Variants in NRG3 observed in about 807,000 individuals in gnomAD.
NRG3 encodes neuregulin 3.
NRG3 carries 31 observed loss-of-function variants against 66.9 expected under a neutral mutation model. The ratio of observed to expected loss-of-function variants is 0.46; its 90% confidence interval spans 0.35 to 0.63. The LOEUF (loss-of-function observed/expected upper bound fraction) is 0.63. Among genes scored for constraint, NRG3 ranks in the 20% least tolerant of loss-of-function variants. The pLI, the probability that NRG3 is intolerant of heterozygous loss-of-function variation, is 0.00. For missense variants in NRG3, 910 were observed against 878.9 expected, an observed-to-expected ratio of 1.04 and a Z score of -0.45; for synonymous variants, 393 against 359.4, an observed-to-expected ratio of 1.09 and a Z score of -1.06.
chr10:82,187,555 A>G (rs1417800374), intron 1 of NRG3, among the ~76,000 whole-genome samples: 2 of 152,154 alleles, frequency 1.3e-5, no homozygotes, highest in African/African-American at 4.8e-5. Flanking sequence ...AGTGAGAAGG[A>G]TAAAACCCAG....
chr10:82,754,976 T>C (rs1591419574), intron 3 of NRG3, among the ~76,000 whole-genome samples: 1 of 152,224 alleles, frequency 6.6e-6, no homozygotes, highest in South Asian at 2.1e-4. Context: ...ATCAGCAAGA[T>C]GAAAGATGCT....
intron 1 of NRG3, among the ~76,000 whole-genome samples, chr10:81,924,495 A>G (rs1846579649): frequency 6.6e-6 from 1 of 152,122 alleles, no homozygotes; most frequent in African/African-American, 2.4e-5. Context: ...AGGCTATTTT[A>G]CAAGTTTTCT....
chr10:82,632,479 A>C (rs1170232886), intron 2 of NRG3, among the ~76,000 whole-genome samples: 1 of 152,034 alleles, frequency 6.6e-6, no homozygotes, highest in East Asian at 1.9e-4. Context: ...ATACTTACTC[A>C]TGTTTCAAGG....
At chr10:82,940,937 A>G (rs541088190) in intron 4 of NRG3, among the ~76,000 whole-genome samples, 1 of 152,198 alleles carries the variant, frequency 6.6e-6, no homozygotes, top group Non-Finnish European at 1.5e-5. Flanking sequence ...GGTCATATGC[A>G]TATAGCTACT....
At chr10:82,613,068 T>C (rs2048409072) in intron 2 of NRG3, among the ~76,000 whole-genome samples, 1 of 152,208 alleles carries the variant, frequency 6.6e-6, no homozygotes, top group African/African-American at 2.4e-5. Context: ...ATCTGTGGTA[T>C]TGACATAGTT....
At chr10:82,286,840 C>A (rs996764354) in intron 1 of NRG3, among the ~76,000 whole-genome samples, 1 of 152,186 alleles carries the variant, frequency 6.6e-6, no homozygotes, top group Non-Finnish European at 1.5e-5. Context: ...CCCACCTCGG[C>A]CTTCCAAAGT....
chr10:82,648,614 G>A (rs1223086247), intron 2 of NRG3, among the ~76,000 whole-genome samples: 7 of 152,080 alleles, frequency 4.6e-5, no homozygotes, highest in East Asian at 1.9e-4. Context: ...CCATTTTCAC[G>A]ATATTGATTC....
intron 1 of NRG3, among the ~76,000 whole-genome samples, chr10:81,950,016 A>T (rs1849194980): frequency 6.6e-6 from 1 of 152,186 alleles, no homozygotes; most frequent in Non-Finnish European, 1.5e-5. Context: ...TCTGGAAATT[A>T]ACCAGAAGCC....
intron 1 of NRG3, among the ~76,000 whole-genome samples, chr10:82,100,691 C>A (rs2066675429): frequency 6.6e-6 from 1 of 151,978 alleles, no homozygotes; most frequent in Non-Finnish European, 1.5e-5. Context: ...ATTAAGTCAT[C>A]TTTGTGTTAC....
intron 1 of NRG3, among the ~76,000 whole-genome samples, chr10:82,170,660 A>G (rs1300696743): frequency 0.017 from 1,320 of 79,246 alleles, 32 homozygotes; most frequent in African/African-American, 0.033. Context: ...TGTGGTATAT[A>G]TATATATATA....
intron 1 of NRG3, among the ~76,000 whole-genome samples, chr10:81,951,384 A>G (rs1369605764): frequency 6.6e-6 from 1 of 152,166 alleles, no homozygotes; most frequent in Admixed American, 6.5e-5. Context: ...TTAGGTGTGT[A>G]TCAGGAATGA....
chr10:82,858,746 T>A (rs1020720217), intron 3 of NRG3, among the ~76,000 whole-genome samples: 3 of 152,140 alleles, frequency 2.0e-5, no homozygotes, highest in African/African-American at 7.2e-5. Context: ...TGCTCCACAT[T>A]CCTATGGCAA....
intron 4 of NRG3, among the ~76,000 whole-genome samples, chr10:82,940,162 T>C (rs181175131): frequency 1.3e-4 from 20 of 152,302 alleles, no homozygotes; most frequent in African/African-American, 4.3e-4. Flanking sequence ...CTTAATAGTA[T>C]TTATTCTGAG....
intron 1 of NRG3, among the ~76,000 whole-genome samples, chr10:81,941,961 C>G (rs1021364386): frequency 2.6e-5 from 4 of 152,094 alleles, no homozygotes; most frequent in Admixed American, 2.6e-4. Flanking sequence ...GCTTTTATCT[C>G]TCCTCCAACA....
At chr10:82,348,993 C>T (rs528512354) in intron 1 of NRG3, among the ~76,000 whole-genome samples, 15 of 151,942 alleles carry the variant, frequency 9.9e-5, no homozygotes, top group African/African-American at 3.6e-4. Flanking sequence ...AAGTTTTCAA[C>T]TTCTTTGCCT....
chr10:82,054,555 G>T (rs1461945194), intron 1 of NRG3, among the ~76,000 whole-genome samples: 2 of 152,146 alleles, frequency 1.3e-5, no homozygotes, highest in Non-Finnish European at 2.9e-5. Context: ...GAGCTGACAA[G>T]TAGGCAGTTA....
chr10:82,342,783 T>G (rs966196332), intron 1 of NRG3, among the ~76,000 whole-genome samples: 2 of 146,036 alleles, frequency 1.4e-5, no homozygotes, highest in South Asian at 2.1e-4. Context: ...AACTCTCACT[T>G]ATATATTTTT....
chr10:82,496,823 A>G (rs917152477), intron 2 of NRG3, among the ~76,000 whole-genome samples: 19 of 152,206 alleles, frequency 1.2e-4, no homozygotes, highest in African/African-American at 4.6e-4. Context: ...TTCTTAGAAT[A>G]TATTCCCAGA....
At chr10:82,428,316 C>T (rs2089579098) in intron 2 of NRG3, among the ~76,000 whole-genome samples, 1 of 151,826 alleles carries the variant, frequency 6.6e-6, no homozygotes, top group African/African-American at 2.4e-5. Context: ...TTAATATAGG[C>T]ATTTGTGCCT....
Sources: allele counts gnomAD v4.1 joint callset (sites outside exome capture counted in the v4.1 genomes callset), GRCh38; gene constraint gnomAD v4.1.1; transcripts MANE v1.5; gene names NCBI Gene and HGNC (gene_info 2026-07-23, HGNC 2026-07-21).